Variants in RNLS observed in about 807,000 individuals in gnomAD.
The protein encoded by RNLS is renalase.
A neutral mutation model predicts 39.8 loss-of-function variants in RNLS; 39 were observed. The observed-to-expected ratio is 0.98, with a 90% CI of 0.76 to 1.28. The LOEUF is 1.28. RNLS is among the 50% of genes most tolerant of loss of function. The pLI, the probability that RNLS is intolerant of heterozygous loss-of-function variation, is 0.00. For missense variants in RNLS, 410 were observed against 413.3 expected (o/e 0.99, Z 0.07); for synonymous variants, 147 against 150.7 (o/e 0.98, Z 0.18).
At chr10:88,230,944 A>T in the RNLS span, among the ~76,000 whole-genome samples, 30 of 152,278 alleles carry the variant, frequency 2.0e-4, 1 homozygote, top group South Asian at 5.2e-3. Flanking sequence ...TCAGGCCAGG[A>T]TTTACTTCCA....
intron 4 of RNLS, among the ~76,000 whole-genome samples, chr10:88,463,271 T>A (rs1041924543): frequency 2.0e-5 from 3 of 152,028 alleles, no homozygotes; most frequent in Admixed American, 2.0e-4. Flanking sequence ...TTGACCCAGA[T>A]ATGCACACAA....
the RNLS span, among the ~76,000 whole-genome samples, chr10:88,192,706 T>G: frequency 1.1e-4 from 16 of 152,338 alleles, no homozygotes; most frequent in East Asian, 2.3e-3. Flanking sequence ...TGTGCAACCT[T>G]CATCAAAAGT....
intron 6 of RNLS, chr10:88,275,106 A>C: frequency 2.7e-6 from 3 of 1,090,968 alleles, no homozygotes; most frequent in Non-Finnish European, 4.2e-6. Flanking sequence ...GTCTACACTA[A>C]TAGTGGTTCT....
At chr10:88,582,892 C>A (rs546245428) in intron 1 of RNLS, among the ~76,000 whole-genome samples, 181 bp downstream of exon 1, 4 of 152,170 alleles carry the variant, frequency 2.6e-5, no homozygotes, top group Non-Finnish European at 5.9e-5. Flanking sequence ...TCCCGGGCGG[C>A]GGAAGTCCCC....
chr10:88,452,902 G>T (rs758719417), intron 4 of RNLS, among the ~76,000 whole-genome samples: 4 of 152,214 alleles, frequency 2.6e-5, no homozygotes, highest in Non-Finnish European at 5.9e-5. Context: ...TACAAGTTCA[G>T]TGTTATGGTC....
chr10:88,244,198 C>CT, the RNLS span, among the ~76,000 whole-genome samples: 1 of 152,192 alleles, frequency 6.6e-6, no homozygotes, highest in Admixed American at 6.5e-5. Flanking sequence ...ACAGCAAATG[C>CT]TGACCTATAT....
At chr10:88,383,789 A>C (rs1851691484) in intron 4 of RNLS, among the ~76,000 whole-genome samples, 1 of 152,186 alleles carries the variant, frequency 6.6e-6, no homozygotes. Context: ...TATGTTCATC[A>C]ACAGATATTA....
rs372368824 is a variant in RNLS at position 88,365,258 on chromosome 10, G to A, written c.527-2533C>T. Among the ~76,000 whole-genome samples, 24 of 151,748 alleles carry A rather than the reference G, an allele frequency of 1.6e-4. No homozygotes were observed. In the South Asian group the frequency reaches 4.8e-3, roughly 30 times the overall value. On this transcript the variant is annotated intron_variant, in intron 4 of 6. Transcript: ENST00000331772. Reference sequence around the variant, plus strand: ...AAACTTTGTCTTCAGAGGCTTAAAAGTTTTTTATTCTTGCAAGGCGGGCAA... The same window carrying A: ...AAACTTTGTCTTCAGAGGCTTAAAAATTTTTTATTCTTGCAAGGCGGGCAA...
chr10:88,459,994 A>T (rs1176733959), intron 4 of RNLS, among the ~76,000 whole-genome samples: 4 of 152,178 alleles, frequency 2.6e-5, no homozygotes, highest in African/African-American at 9.6e-5. Context: ...GCAAAAAGGG[A>T]AAAAGCTAAT....
intron 4 of RNLS, among the ~76,000 whole-genome samples, chr10:88,492,155 C>T (rs749892675): frequency 1.3e-5 from 2 of 152,000 alleles, no homozygotes; most frequent in Non-Finnish European, 1.5e-5. Flanking sequence ...GAGAACCTCC[C>T]AAACTGATTT....
chr10:88,527,965 CAGA>C (rs1197947975), intron 4 of RNLS, among the ~76,000 whole-genome samples: 1 of 150,852 alleles, frequency 6.6e-6, no homozygotes, highest in East Asian at 1.9e-4. Context: ...GAAAATTCAG[CAGA>C]AGGTTTGAAA....
chr10:88,510,762 G>T (rs1172642270), intron 4 of RNLS, among the ~76,000 whole-genome samples: 3 of 151,206 alleles, frequency 2.0e-5, no homozygotes, highest in African/African-American at 7.3e-5. Flanking sequence ...CAGGAGAATC[G>T]CTTGAACCCA....
chr10:88,367,322 A>T (rs1295190267), intron 4 of RNLS, among the ~76,000 whole-genome samples: 2 of 152,204 alleles, frequency 1.3e-5, no homozygotes, highest in African/African-American at 4.8e-5. Flanking sequence ...ACAGAATGAT[A>T]TGGTATATAT....
At chr10:88,548,178 C>T (rs534735514) in intron 4 of RNLS, among the ~76,000 whole-genome samples, 123 of 135,526 alleles carry the variant, frequency 9.1e-4, no homozygotes, top group Admixed American at 8.4e-3. Context: ...AGGAGAATTG[C>T]TTGAACCCGG....
the RNLS span, among the ~76,000 whole-genome samples, chr10:88,201,586 TCAGAAATGGATCCTC>T: frequency 5.3e-5 from 8 of 151,900 alleles, no homozygotes; most frequent in Non-Finnish European, 8.8e-5. Flanking sequence ...ATCCAGAATC[TCAGAAATGGATCCTC>T]CAGTCCCAGG....
At chr10:88,313,097 T>C (rs193276502) in intron 6 of RNLS, among the ~76,000 whole-genome samples, 51 of 152,328 alleles carry the variant, frequency 3.3e-4, no homozygotes, top group African/African-American at 1.2e-3. Context: ...TGTTCAAAGA[T>C]TTTTATTAAA....
At chr10:88,200,308 C>T in the RNLS span, among the ~76,000 whole-genome samples, 1 of 152,238 alleles carries the variant, frequency 6.6e-6, no homozygotes, top group Non-Finnish European at 1.5e-5. Flanking sequence ...CCATGTATCA[C>T]ATGCTTACTG....
intron 4 of RNLS, among the ~76,000 whole-genome samples, chr10:88,513,747 T>A (rs1182121051): frequency 6.6e-6 from 1 of 152,156 alleles, no homozygotes; most frequent in African/African-American, 2.4e-5. Context: ...ATTGTGCATT[T>A]ATAATTTTCA....
In RNLS at chr10:88,526,652, C is replaced by T. The variant is rs562644639; in HGVS notation, c.526+46251G>A. ...TAGTGGTTCATGCCTGTAGTCCTAG[C>T]TACTCAGGAGGCTGAGGCATATAGA... On this transcript the variant is annotated intron_variant, in intron 4 of 6. Transcript: ENST00000331772. 2.6e-5 allele frequency among the ~76,000 whole-genome samples: 4 copies of T among 151,898 alleles called. No individual in the cohort carries two copies. In the East Asian group the frequency reaches 7.8e-4, roughly 30 times the overall value.
Sources: allele counts gnomAD v4.1 joint callset (sites outside exome capture counted in the v4.1 genomes callset), GRCh38; gene constraint gnomAD v4.1.1; transcripts MANE v1.5; gene names NCBI Gene and HGNC (gene_info 2026-07-23, HGNC 2026-07-21).